THRB: variants seen among roughly 807,000 people sequenced by gnomAD.
THRB encodes the protein nuclear receptor subfamily 1 group A member 2.
Under a neutral mutation model 47.8 loss-of-function variants are expected in THRB, and 12 were observed. The observed-to-expected ratio is 0.25, with a 90% CI of 0.16 to 0.41. The LOEUF (loss-of-function observed/expected upper bound fraction) is 0.41. Ranked by LOEUF, THRB falls within the 10% of genes least tolerant of loss-of-function variation. The pLI, the probability that THRB is intolerant of heterozygous loss-of-function variation, is 1.00. For synonymous variants in THRB, 218 were observed against 212.2 expected (o/e 1.03, Z -0.24); for missense variants, 348 against 589.2 (o/e 0.59, Z 4.24).
chr3:24,210,142 T>C (rs2045871491), intron 4 of THRB, among the ~76,000 whole-genome samples: 2 of 152,184 alleles, frequency 1.3e-5, no homozygotes, highest in South Asian at 2.1e-4. Flanking sequence ...AAATGGTCCA[T>C]GCTTACTACA....
chr3:24,253,514 T>C (rs2050883816), intron 3 of THRB, among the ~76,000 whole-genome samples: 1 of 152,146 alleles, frequency 6.6e-6, no homozygotes, highest in African/African-American at 2.4e-5. Flanking sequence ...GGGAGTACAG[T>C]ATTTAAATAG....
At chr3:24,237,891 A>G (rs2049031261) in intron 3 of THRB, 2 of 152,192 alleles carry the variant, frequency 1.3e-5, no homozygotes, top group Admixed American at 1.3e-4. Context: ...CATCTAATTT[A>G]TTGTCACATT....
chr3:24,406,614 TAA>T (rs5847291), intron 1 of THRB, among the ~76,000 whole-genome samples: 6 of 149,754 alleles, frequency 4.0e-5, no homozygotes, highest in Admixed American at 6.7e-5. Context: ...CTTGTACTCT[TAA>T]AAAAAAAAAG....
chr3:24,133,586 C>A (rs2034190695), intron 8 of THRB, 124 bp from the exon 9 acceptor site: 12 of 892,510 alleles, frequency 1.3e-5, no homozygotes, highest in Non-Finnish European at 1.6e-5. Flanking sequence ...GTTTTCACAT[C>A]ATTTGTTAAC....
intron 1 of THRB, among the ~76,000 whole-genome samples, chr3:24,435,691 C>A (rs1169786497): frequency 6.6e-6 from 1 of 152,206 alleles, no homozygotes; most frequent in African/African-American, 2.4e-5. Flanking sequence ...TAGCCACCCC[C>A]ACTCAACAAC....
chr3:24,290,910 TACTC>T (rs1293615326), intron 3 of THRB, among the ~76,000 whole-genome samples: 7 of 152,334 alleles, frequency 4.6e-5, no homozygotes, highest in Admixed American at 1.3e-4. Context: ...TGGCATCTGT[TACTC>T]AAGTAAGATG....
At chr3:24,478,115 A>G (rs1695763625) in intron 1 of THRB, among the ~76,000 whole-genome samples, 2 of 152,144 alleles carry the variant, frequency 1.3e-5, no homozygotes, top group South Asian at 4.1e-4. Flanking sequence ...ATAATTCTAA[A>G]CGATATAGTT....
At chr3:24,214,755 A>G (rs2046396917) in intron 4 of THRB, among the ~76,000 whole-genome samples, 1 of 152,144 alleles carries the variant, frequency 6.6e-6, no homozygotes, top group Non-Finnish European at 1.5e-5. Flanking sequence ...GGTCCTCACC[A>G]TCTCTGAAGA....
intron 1 of THRB, among the ~76,000 whole-genome samples, chr3:24,434,382 G>A (rs1577534826): frequency 6.6e-6 from 1 of 152,128 alleles, no homozygotes; most frequent in African/African-American, 2.4e-5. Context: ...GTGGCAGAAC[G>A]TTTGACACAC....
intron 3 of THRB, among the ~76,000 whole-genome samples, chr3:24,237,146 G>T (rs1450799275): frequency 6.6e-6 from 1 of 152,150 alleles, no homozygotes; most frequent in South Asian, 2.1e-4. Context: ...TGTCTGTACC[G>T]TATCCCAGGT....
chr3:24,385,296 C>T (rs916192916), intron 1 of THRB, among the ~76,000 whole-genome samples: 1 of 152,018 alleles, frequency 6.6e-6, no homozygotes, highest in African/African-American at 2.4e-5. Flanking sequence ...GAATAAACTA[C>T]TTTGAAAATT....
intron 3 of THRB, among the ~76,000 whole-genome samples, chr3:24,289,888 C>A (rs542082152): frequency 2.3e-4 from 35 of 152,250 alleles, no homozygotes; most frequent in Admixed American, 1.3e-3. Flanking sequence ...AACCTAAAAT[C>A]TCTTCACCTT....
At chr3:24,299,014 C>G (rs538419039) in intron 2 of THRB, among the ~76,000 whole-genome samples, 17 of 151,784 alleles carry the variant, frequency 1.1e-4, no homozygotes, top group Non-Finnish European at 2.1e-4. Context: ...TTGGGAGGCC[C>G]AGGCGGGCGG....
intron 6 of THRB, among the ~76,000 whole-genome samples, chr3:24,151,780 T>C (rs1575431512): frequency 6.6e-6 from 1 of 152,330 alleles, no homozygotes; most frequent in East Asian, 1.9e-4. Flanking sequence ...TATATTCTTG[T>C]CAAGTATTTC....
At position 24,203,275 on chromosome 3, in the gene THRB, G is replaced by A. The variant is rs143831644; in HGVS notation, c.23-12941C>T. On this transcript the variant is annotated intron_variant, in intron 4 of 10. Coordinates refer to ENST00000646209, the MANE Select transcript of THRB (RefSeq NM_001354712.2). Reference sequence around the variant, plus strand: ...CAAAAATACAAAAAATTAGCTGGGTGTGGTGGCACACACCTGTGGTCCCAG... The same window carrying A: ...CAAAAATACAAAAAATTAGCTGGGTATGGTGGCACACACCTGTGGTCCCAG... 2.6e-3 allele frequency among the ~76,000 whole-genome samples: 398 copies of A among 152,272 alleles called. 1 individual carries two copies. The highest frequency in any genetic ancestry group is 9.2e-3 in the African/African-American group (382 of 41,546).
chr3:24,135,523 G>A (rs150570093), intron 8 of THRB, among the ~76,000 whole-genome samples: 2 of 152,162 alleles, frequency 1.3e-5, no homozygotes, highest in Non-Finnish European at 2.9e-5. Context: ...GCAAGCCCAG[G>A]GAAGGCCACT....
At chr3:24,240,676 G>A (rs2049396150) in intron 3 of THRB, among the ~76,000 whole-genome samples, 1 of 152,180 alleles carries the variant, frequency 6.6e-6, no homozygotes, top group Admixed American at 6.5e-5. Context: ...CTAAACTAGT[G>A]TCTTTCAAAC....
At chr3:24,189,014 A>G (rs1268662509) in intron 5 of THRB, among the ~76,000 whole-genome samples, 2 of 151,522 alleles carry the variant, frequency 1.3e-5, no homozygotes, top group Non-Finnish European at 2.9e-5. Context: ...GAAACACTCA[A>G]TTTCCCAGGT....
chr3:24,134,035 T>C (rs2034274210), intron 8 of THRB, among the ~76,000 whole-genome samples: 1 of 152,222 alleles, frequency 6.6e-6, no homozygotes, highest in Non-Finnish European at 1.5e-5. Flanking sequence ...CTAGGCTGTC[T>C]ACAGGAAACT....
Sources: gnomAD v4.1 joint callset for allele counts (sites outside exome capture counted in the v4.1 genomes callset) on GRCh38, gnomAD v4.1.1 for gene constraint, MANE v1.5 for transcripts, NCBI Gene and HGNC (gene_info 2026-07-23, HGNC 2026-07-21) for gene names.